The following PIP5K1C variants were observed in gnomAD, a reference collection of about 807,000 sequenced individuals.
PIP5K1C encodes phosphatidylinositol 4-phosphate 5-kinase type-1 gamma.
In PIP5K1C, 45 loss-of-function variants were observed where a neutral mutation model predicts 80.1. That is an observed-to-expected ratio of 0.56 (90% CI 0.44 to 0.72). The LOEUF (loss-of-function observed/expected upper bound fraction) is 0.72. Ranked by LOEUF, PIP5K1C falls within the 30% of genes least tolerant of loss-of-function variation. PIP5K1C has a pLI of 0.00. For synonymous variants in PIP5K1C, 498 were observed against 420.1 expected (o/e 1.19, Z -2.27); for missense variants, 753 against 954.6 (o/e 0.79, Z 2.78).
At chr19:3,684,545 G>T (rs546509174) in intron 1 of PIP5K1C, among the ~76,000 whole-genome samples, 11 of 152,372 alleles carry the variant, frequency 7.2e-5, no homozygotes, top group Admixed American at 6.5e-4. Flanking sequence ...AGAGAGGCCT[G>T]GGACAGGAGG....
Position 3,630,348 on chromosome 19 carries a change from G to A in PIP5K1C, c.*2819C>T, listed in dbSNP as rs1331049380. 6.6e-6 allele frequency: 1 copy of A among 152,578 alleles called. No homozygotes were observed. Among genetic ancestry groups the A allele is most frequent in the African/African-American group, 2.4e-5 (1 of 41,422 alleles). The allele number at this position is 152,578 out of a possible 1,614,324, so 9.5% of individuals were successfully genotyped here. On this transcript the variant is annotated 3_prime_UTR_variant, in exon 18 of 18. Transcript: ENST00000335312. ...TTGAGGGACACAGCACCCTCGTCTC[G>A]GCGCTTTGGATTGTCACGCACCAGA... is the stretch of plus-strand genomic sequence containing the variant.
At chr19:3,646,681 A>G (rs1244459518) in intron 10 of PIP5K1C, among the ~76,000 whole-genome samples, 1 of 152,206 alleles carries the variant, frequency 6.6e-6, no homozygotes, top group Non-Finnish European at 1.5e-5. Context: ...ACATCCCCAG[A>G]GGCCTCTGCC....
In PIP5K1C at chr19:3,633,538, G is replaced by A. The variant is rs368870363; in HGVS notation, c.1921-18C>T. 58 of 1,475,282 alleles carry A rather than the reference G, an allele frequency of 3.9e-5. No individual in the cohort carries two copies. Among genetic ancestry groups the A allele is most frequent in the Middle Eastern group, 1.9e-4 (1 of 5,362 alleles). The allele number at this position is 1,475,282 out of a possible 1,614,324, so 91.4% of individuals were successfully genotyped here. A position where few individuals can be genotyped will look rare whatever the true frequency, so the allele number is the denominator to read the frequency against. On this transcript the variant is annotated intron_variant, in intron 16 of 17. Coordinates refer to ENST00000335312, the MANE Select transcript of PIP5K1C (RefSeq NM_012398.3). Reference sequence around the variant, plus strand: ...TCGGTGGGCTGGCAGGTGGGCGCGCGTGCAGGAGGGCGCGGAAGAGCAGGG... The same window carrying A: ...TCGGTGGGCTGGCAGGTGGGCGCGCATGCAGGAGGGCGCGGAAGAGCAGGG...
At chr19:3,670,963 C>T (rs562295302) in intron 1 of PIP5K1C, among the ~76,000 whole-genome samples, 10 of 152,360 alleles carry the variant, frequency 6.6e-5, no homozygotes, top group East Asian at 1.9e-4. Flanking sequence ...TGCTCTGGGC[C>T]GCGGCGGGGC....
At chr19:3,698,356 C>T (rs554059922) in intron 1 of PIP5K1C, among the ~76,000 whole-genome samples, 85 of 152,370 alleles carry the variant, frequency 5.6e-4, no homozygotes, top group South Asian at 1.0e-3. Context: ...ACCTGAAGCG[C>T]GGAGCTGGGA....
chr19:3,639,063 G>C (rs778397317), intron 15 of PIP5K1C, 47 bp from the exon 16 acceptor site: 5 of 1,601,242 alleles, frequency 3.1e-6, no homozygotes, highest in Non-Finnish European at 4.2e-6. Context: ...GGCCCCACAC[G>C]GAGACTCCCC....
rs765469017 is a variant in PIP5K1C at position 3,656,434 on chromosome 19, G to A, written c.592C>T (p.Leu198=). ...KTVMHKEAEF[L]QKLLPGYYMN... is the part of the protein sequence containing the mutation. Reference sequence around the variant, plus strand: ...TAGTAGCCAGGGAGCAGCTTCTGCAGGAACTCGGCCTCCTTGTGCATGACG... The same window carrying A: ...TAGTAGCCAGGGAGCAGCTTCTGCAAGAACTCGGCCTCCTTGTGCATGACG... Residue 198 remains leucine, a synonymous_variant, in exon 6 of 18, where the codon CTG becomes TTG. Coordinates refer to ENST00000335312, the MANE Select transcript of PIP5K1C (RefSeq NM_012398.3). The A allele has an allele frequency of 1.9e-6, 3 of 1,613,582 alleles. No homozygotes were observed. The highest frequency in any genetic ancestry group is 2.5e-6 in the Non-Finnish European group (3 of 1,180,032).
intron 8 of PIP5K1C, among the ~76,000 whole-genome samples, chr19:3,651,128 C>G (rs899243441): frequency 6.7e-6 from 1 of 149,894 alleles, no homozygotes; most frequent in South Asian, 2.1e-4. Context: ...GATCTTGGCT[C>G]ACTGCAACCT....
At chr19:3,633,299 G>A in intron 17 of PIP5K1C, 130 bp from the exon 18 acceptor site, 2 of 687,674 alleles carry the variant, frequency 2.9e-6, no homozygotes, top group Non-Finnish European at 2.6e-6. Flanking sequence ...CAGAGCCAGA[G>A]AGCCCAGGGT....
rs2033535984 is a variant in PIP5K1C, at chr19:3,633,470, C to G, written c.1971G>C (p.Gln657His). 6.6e-7 allele frequency: 1 copy of G among 1,511,258 alleles called. No homozygotes were observed. Among genetic ancestry groups the G allele is most frequent in the African/African-American group, 1.4e-5 (1 of 71,686 alleles). 93.6% of individuals were successfully genotyped at this position (1,511,258 alleles called of 1,614,324 possible). The stretch of plus-strand genomic sequence containing the variant: ...TCTCGCCGTCGGAGGCCGGGGGGGC[C>G]TGGGCGCTATAGTGGAGCGGGGAGT... Reference protein sequence around the residue: ...WVYSPLHYSAQAPPASDGESD... With the variant: ...WVYSPLHYSAHAPPASDGESD... Residue 657 changes from glutamine (Q) to histidine (H), a missense_variant, in exon 17 of 18, where the codon CAG becomes CAC. Coordinates refer to ENST00000335312, the MANE Select transcript of PIP5K1C (RefSeq NM_012398.3).
intron 1 of PIP5K1C, among the ~76,000 whole-genome samples, chr19:3,683,785 GACCGT>G (rs2035664765): frequency 6.6e-6 from 1 of 152,178 alleles, no homozygotes. Flanking sequence ...CCCGGGGCAG[GACCGT>G]GTCTGGAGAG....
chr19:3,651,048 G>A (rs368031984), intron 8 of PIP5K1C, among the ~76,000 whole-genome samples: 79 of 135,284 alleles, frequency 5.8e-4, no homozygotes, highest in African/African-American at 1.9e-3. Flanking sequence ...GAGCCACCGC[G>A]CCCAGCGTTT....
intron 1 of PIP5K1C, among the ~76,000 whole-genome samples, chr19:3,671,838 G>A (rs1299544193): frequency 6.6e-6 from 1 of 152,242 alleles, no homozygotes; most frequent in Admixed American, 6.5e-5. Context: ...CCCCCATAGG[G>A]GGCTGTCATG....
intron 1 of PIP5K1C, among the ~76,000 whole-genome samples, chr19:3,679,609 C>G (rs1476591): frequency 0.19 from 28,919 of 152,124 alleles, 3,081 homozygotes; most frequent in African/African-American, 0.27. Flanking sequence ...CTGGGGCAGG[C>G]GGGCTGGGCT....
intron 1 of PIP5K1C, 84 bp downstream of exon 1, chr19:3,700,213 C>T: frequency 3.6e-5 from 28 of 786,374 alleles, no homozygotes; most frequent in Non-Finnish European, 4.5e-5. Context: ...GACCGTGCAG[C>T]CCCCGCCCCG....
At chr19:3,655,287 G>A (rs961977258) in intron 6 of PIP5K1C, among the ~76,000 whole-genome samples, 1 of 148,150 alleles carries the variant, frequency 6.7e-6, no homozygotes, top group Non-Finnish European at 1.5e-5. Flanking sequence ...GCGTGGTGGC[G>A]GGCGCCTGTA....
At position 3,653,246 on chromosome 19, in the gene PIP5K1C, TC is replaced by T. The variant is rs2034512560; in HGVS notation, c.921+43del. On this transcript the variant is annotated intron_variant, in intron 7 of 17. Coordinates refer to ENST00000335312, the MANE Select transcript of PIP5K1C (RefSeq NM_012398.3). ...CCCAGGCCGAGCCCTCACCACGCAGTCCCACCTGCCACCCTCCCTCCCCGGC... is the reference window on the plus strand; with the variant it reads ...CCCAGGCCGAGCCCTCACCACGCAGTCCACCTGCCACCCTCCCTCCCCGGC... 5 of 1,583,272 alleles carry T rather than the reference TC, an allele frequency of 3.2e-6. No individual in the cohort carries two copies. In the South Asian group the frequency reaches 4.4e-5, roughly 14 times the overall value.
In PIP5K1C at chr19:3,691,350, A is replaced by G. The variant is rs182705174; in HGVS notation, c.94+8947T>C. ...TGGGGGCCTCGCTAATCTGGGGATG[A>G]CGGCCCCTTCCAGGGTAAGCGGATT... On this transcript the variant is annotated intron_variant, in intron 1 of 17. Coordinates refer to ENST00000335312, the MANE Select transcript of PIP5K1C (RefSeq NM_012398.3). Among the ~76,000 whole-genome samples the G allele has an allele frequency of 8.5e-5, 13 of 152,264 alleles. No homozygotes were observed. The East Asian group carries it at 2.5e-3, about 29-fold the overall frequency.
chr19:3,693,305 C>T lies in PIP5K1C; in HGVS notation c.94+6992G>A, dbSNP rs550573616. On this transcript the variant is annotated intron_variant, in intron 1 of 17. Coordinates refer to ENST00000335312, the MANE Select transcript of PIP5K1C (RefSeq NM_012398.3). ...GGGCAGGGTGCTGGGGTCCTCTCTT[C>T]ACTCAGCCAGAGGCCGGGTCCCCTC... Among the ~76,000 whole-genome samples the T allele has an allele frequency of 1.5e-3, 232 of 152,284 alleles. 3 individuals carry two copies. Among genetic ancestry groups the T allele is most frequent in the East Asian group, 5.8e-4 (3 of 5,174 alleles).
Sources: gnomAD v4.1 joint callset for allele counts (sites outside exome capture counted in the v4.1 genomes callset) on GRCh38, gnomAD v4.1.1 for gene constraint, MANE v1.5 for transcripts, NCBI Gene and HGNC (gene_info 2026-07-23, HGNC 2026-07-21) for gene names.